DCC: variants seen among roughly 807,000 people sequenced by gnomAD.
DCC encodes netrin receptor DCC.
DCC carries 58 observed loss-of-function variants against 172.5 expected under a neutral mutation model. That is an observed-to-expected ratio of 0.34 (90% CI 0.27 to 0.42). The LOEUF is 0.42. DCC is among the 10% of genes least tolerant of loss of function. The pLI is 1.00. For synonymous variants in DCC, 709 were observed against 644.5 expected, an observed-to-expected ratio of 1.10 and a Z score of -1.52; for missense variants, 1,740 against 1,791.0, an observed-to-expected ratio of 0.97 and a Z score of 0.51.
chr18:53,084,490 T>C (rs775076999), intron 7 of DCC, among the ~76,000 whole-genome samples: 5 of 152,182 alleles, frequency 3.3e-5, no homozygotes, highest in Non-Finnish European at 5.9e-5. Flanking sequence ...TTGTGCAGGA[T>C]ATGAGTTGCT....
At chr18:52,915,413 C>T (rs1461488566) in intron 3 of DCC, among the ~76,000 whole-genome samples, 1 of 152,094 alleles carries the variant, frequency 6.6e-6, no homozygotes, top group Non-Finnish European at 1.5e-5. Context: ...TTGGGAAAAT[C>T]TGTGAATATG....
intron 1 of DCC, among the ~76,000 whole-genome samples, chr18:52,608,350 A>T (rs888053266): frequency 2.0e-5 from 3 of 152,190 alleles, no homozygotes; most frequent in African/African-American, 7.2e-5. Flanking sequence ...AATAGATGCT[A>T]ATAGTGAAAG....
intron 1 of DCC, among the ~76,000 whole-genome samples, chr18:52,744,930 G>C (rs1167272325): frequency 6.6e-6 from 1 of 152,188 alleles, no homozygotes; most frequent in Non-Finnish European, 1.5e-5. Context: ...TGTAGTTATT[G>C]TCACTGTTTA....
chr18:53,149,631 A>G (rs1387393859), intron 7 of DCC, among the ~76,000 whole-genome samples: 1 of 152,226 alleles, frequency 6.6e-6, no homozygotes, highest in East Asian at 1.9e-4. Flanking sequence ...TTAAAAGCAT[A>G]TGATATATGT....
At chr18:53,137,953 C>T (rs2043770373) in intron 7 of DCC, among the ~76,000 whole-genome samples, 1 of 151,410 alleles carries the variant, frequency 6.6e-6, no homozygotes, top group South Asian at 2.1e-4. Flanking sequence ...GTAGCTGGGA[C>T]TACTGGTGCA....
In DCC at chr18:53,010,885, A is replaced by T. The variant is rs112723888; in HGVS notation, c.986-52420A>T. On this transcript the variant is annotated intron_variant, in intron 5 of 28. Coordinates refer to ENST00000442544, the MANE Select transcript of DCC (RefSeq NM_005215.4). The stretch of plus-strand genomic sequence containing the variant: ...TTGATTGTCATTATGGTTCATGTTT[A>T]GTTTTTAGAAATAAGAAATGTGAAT... Among the ~76,000 whole-genome samples the T allele has an allele frequency of 7.0e-3, 1,053 of 151,286 alleles. 18 individuals are homozygous for T. The highest frequency in any genetic ancestry group is 0.024 in the African/African-American group (990 of 41,480).
chr18:52,910,895 TG>T (rs1463493561), intron 3 of DCC, among the ~76,000 whole-genome samples: 1 of 152,136 alleles, frequency 6.6e-6, no homozygotes, highest in Non-Finnish European at 1.5e-5. Flanking sequence ...ACATGATTTT[TG>T]TCTATATTTT....
intron 5 of DCC, among the ~76,000 whole-genome samples, chr18:53,059,608 A>G (rs1014228152): frequency 1.2e-4 from 18 of 152,274 alleles, no homozygotes; most frequent in African/African-American, 3.8e-4. Flanking sequence ...AATATTTCTG[A>G]AAAGTATTCT....
intron 1 of DCC, among the ~76,000 whole-genome samples, chr18:52,536,297 C>A (rs2032287531): frequency 6.6e-6 from 1 of 152,028 alleles, no homozygotes; most frequent in African/African-American, 2.4e-5. Flanking sequence ...TTGGTCCTGA[C>A]CACAGACATG....
intron 1 of DCC, among the ~76,000 whole-genome samples, chr18:52,346,628 A>G (rs189483754): frequency 5.3e-5 from 8 of 152,194 alleles, no homozygotes; most frequent in South Asian, 2.1e-4. Context: ...GAATTTGCCA[A>G]TGGTAATACC....
intron 5 of DCC, among the ~76,000 whole-genome samples, chr18:53,032,174 A>G (rs1345237680): frequency 6.6e-6 from 1 of 152,166 alleles, no homozygotes; most frequent in Admixed American, 6.6e-5. Context: ...ATGAAGATTT[A>G]GAATCTCCTC....
intron 1 of DCC, among the ~76,000 whole-genome samples, chr18:52,575,892 C>A (rs983715020): frequency 6.6e-6 from 1 of 152,108 alleles, no homozygotes; most frequent in African/African-American, 2.4e-5. Flanking sequence ...GGTAGTGGAA[C>A]AATTGCAGAC....
intron 2 of DCC, among the ~76,000 whole-genome samples, chr18:52,766,726 G>T (rs775722796): frequency 1.1e-4 from 16 of 152,016 alleles, no homozygotes; most frequent in Non-Finnish European, 1.8e-4. Flanking sequence ...ACAGGCACAT[G>T]ATGAGATGCG....
chr18:52,605,731 A>G (rs1304206621), intron 1 of DCC, among the ~76,000 whole-genome samples: 1 of 152,070 alleles, frequency 6.6e-6, no homozygotes, highest in Non-Finnish European at 1.5e-5. Context: ...GCTACACTTA[A>G]TGACTAGACT....
chr18:53,475,210 G>T (rs7229190), intron 25 of DCC, among the ~76,000 whole-genome samples: 5,690 of 152,204 alleles, frequency 0.037, 317 homozygotes, highest in East Asian at 0.13. Context: ...CAGAAAATTT[G>T]CCCCCTGACA....
intron 2 of DCC, among the ~76,000 whole-genome samples, chr18:52,783,247 T>C (rs370094653): frequency 2.0e-5 from 3 of 150,794 alleles, no homozygotes; most frequent in African/African-American, 7.3e-5. Flanking sequence ...TTAAAAGTGG[T>C]TTAACACCGA....
chr18:52,697,747 TAAACA>T (rs1331394375), intron 1 of DCC, among the ~76,000 whole-genome samples: 1 of 152,226 alleles, frequency 6.6e-6, no homozygotes, highest in Admixed American at 6.5e-5. Flanking sequence ...GCCATACTTC[TAAACA>T]TAAAAGTGAA....
intron 1 of DCC, among the ~76,000 whole-genome samples, chr18:52,635,743 C>T (rs1422764005): frequency 6.6e-6 from 1 of 152,150 alleles, no homozygotes; most frequent in Admixed American, 6.5e-5. Flanking sequence ...TCCATTCTGA[C>T]TATGAAAAAT....
intron 2 of DCC, among the ~76,000 whole-genome samples, chr18:52,819,220 C>A (rs2038359849): frequency 6.6e-6 from 1 of 151,810 alleles, no homozygotes; most frequent in South Asian, 2.1e-4. Context: ...GAGCTAATCA[C>A]CCTCCTCTTC....
Sources: allele counts gnomAD v4.1 joint callset (sites outside exome capture counted in the v4.1 genomes callset), GRCh38; gene constraint gnomAD v4.1.1; transcripts MANE v1.5; gene names NCBI Gene and HGNC (gene_info 2026-07-23, HGNC 2026-07-21).